IFT74: variants seen among roughly 807,000 people sequenced by gnomAD.
IFT74 encodes intraflagellar transport 74.
Under a neutral mutation model 96.7 loss-of-function variants are expected in IFT74, and 92 were observed. That is an observed-to-expected ratio of 0.95 (90% CI 0.80 to 1.13). The LOEUF is 1.13. Among genes scored for constraint, IFT74 ranks in the 50% most tolerant of loss-of-function variants. The pLI is 0.00. For synonymous variants in IFT74, 223 were observed against 213.2 expected (o/e 1.05, Z -0.40); for missense variants, 811 against 698.2 (o/e 1.16, Z -1.82).
chr9:27,014,449 A>G (rs1224925558), intron 10 of IFT74, among the ~76,000 whole-genome samples: 1 of 152,172 alleles, frequency 6.6e-6, no homozygotes, highest in Non-Finnish European at 1.5e-5. Flanking sequence ...GAAAAATCAT[A>G]AGCTATAACC....
chr9:27,048,765 T>A (rs569684532), intron 16 of IFT74, among the ~76,000 whole-genome samples: 9 of 152,206 alleles, frequency 5.9e-5, no homozygotes, highest in Non-Finnish European at 1.2e-4. Flanking sequence ...TCTATGTTTA[T>A]ACACAGACTA....
chr9:27,024,877 G>A (rs1310871763), intron 12 of IFT74, among the ~76,000 whole-genome samples: 1 of 151,250 alleles, frequency 6.6e-6, no homozygotes, highest in Non-Finnish European at 1.5e-5. Flanking sequence ...ACATTGGAAA[G>A]TTTCAACGAT....
chr9:26,996,932 CG>C (rs1828187643), intron 8 of IFT74, among the ~76,000 whole-genome samples: 1 of 152,068 alleles, frequency 6.6e-6, no homozygotes, highest in African/African-American at 2.4e-5. Flanking sequence ...CATTTCTGGC[CG>C]GGCGCAGAGG....
intron 18 of IFT74, among the ~76,000 whole-genome samples, 156 bp downstream of exon 18, chr9:27,056,615 G>A (rs1245169174): frequency 6.6e-6 from 1 of 151,954 alleles, no homozygotes; most frequent in Non-Finnish European, 1.5e-5. Context: ...AGAATGAATG[G>A]ACTCCTGCTT....
intron 12 of IFT74, among the ~76,000 whole-genome samples, chr9:27,023,565 T>C (rs751692768): frequency 5.9e-4 from 90 of 152,314 alleles, no homozygotes; most frequent in Middle Eastern, 3.4e-3. Flanking sequence ...GGCTAATTTT[T>C]TTTTGAGGAT....
At chr9:27,033,707 C>G (rs1830231484) in intron 13 of IFT74, among the ~76,000 whole-genome samples, 1 of 151,826 alleles carries the variant, frequency 6.6e-6, no homozygotes, top group Non-Finnish European at 1.5e-5. Context: ...TAATTTTTTA[C>G]TCCCAAGAAC....
At chr9:26,957,323 C>T (rs184329954) in intron 1 of IFT74, among the ~76,000 whole-genome samples, 3 of 152,242 alleles carry the variant, frequency 2.0e-5, no homozygotes, top group Admixed American at 1.3e-4. Flanking sequence ...TAGCAGGAAA[C>T]CTAGAGTAAT....
intron 1 of IFT74, among the ~76,000 whole-genome samples, chr9:26,960,098 CA>C (rs1826288926): frequency 1.3e-5 from 2 of 152,136 alleles, no homozygotes; most frequent in Admixed American, 1.3e-4. Context: ...ATGGGGACTC[CA>C]TTGGACATTT....
chr9:27,032,312 T>C (rs528131653), intron 13 of IFT74, among the ~76,000 whole-genome samples: 2 of 152,290 alleles, frequency 1.3e-5, no homozygotes, highest in South Asian at 4.1e-4. Flanking sequence ...TTAAAAATTC[T>C]TTTTGCTATA....
In IFT74 at chr9:27,060,667, C is replaced by T. The variant is rs183549754; in HGVS notation, c.1684+16C>T. On this transcript the variant is annotated intron_variant, in intron 19 of 19. Transcript: ENST00000380062. ...ATGAAAGAATGTATCCTTTAAAAAG[C>T]TGAAAATGGGGCCGGGTGCGGTGGC... is the stretch of plus-strand genomic sequence containing the variant. 2.1e-5 allele frequency: 33 copies of T among 1,583,906 alleles called. No individual in the cohort carries two copies. The African/African-American group carries it at 3.0e-4, about 14-fold the overall frequency.
At chr9:26,998,384 G>C (rs1828287809) in intron 8 of IFT74, 1 of 489,940 alleles carries the variant, frequency 2.0e-6, no homozygotes, top group African/African-American at 2.0e-5. Flanking sequence ...TGTTACAGTA[G>C]AGCAAATCTT....
chr9:27,033,603 G>C (rs1197499964), intron 13 of IFT74, among the ~76,000 whole-genome samples: 1 of 149,992 alleles, frequency 6.7e-6, no homozygotes, highest in African/African-American at 2.5e-5. Context: ...AATGGTGCCT[G>C]GTGCACATTA....
intron 8 of IFT74, among the ~76,000 whole-genome samples, chr9:27,008,345 A>T (rs1464042017): frequency 1.3e-5 from 2 of 151,888 alleles, no homozygotes; most frequent in Non-Finnish European, 2.9e-5. Flanking sequence ...TAAAACCACA[A>T]TTCTAAAACT....
chr9:27,035,433 C>T (rs374838391), intron 13 of IFT74, among the ~76,000 whole-genome samples: 1 of 152,118 alleles, frequency 6.6e-6, no homozygotes, highest in South Asian at 2.1e-4. Flanking sequence ...TTGAATCTTT[C>T]ATTAAAATGG....
At chr9:27,047,439 C>A in intron 15 of IFT74, 68 bp downstream of exon 15, 2 of 883,822 alleles carry the variant, frequency 2.3e-6, no homozygotes, top group Admixed American at 2.5e-5. Context: ...AAATACAACT[C>A]AAAAAATAGA....
intron 16 of IFT74, among the ~76,000 whole-genome samples, chr9:27,052,204 T>C (rs1819951967): frequency 6.6e-6 from 1 of 152,166 alleles, no homozygotes; most frequent in Non-Finnish European, 1.5e-5. Flanking sequence ...TGTTTATAAT[T>C]CCTTTTAACA....
chr9:26,976,836 G>A (rs866878761), intron 2 of IFT74: 109 of 452,996 alleles, frequency 2.4e-4, no homozygotes, highest in Admixed American at 2.9e-4. Flanking sequence ...TCCTGAGGTC[G>A]TATAGTGTTA....
Position 27,065,903 on chromosome 9 carries a change from T to C in IFT74, c.*3167T>C, listed in dbSNP as rs1182588567. Among the ~76,000 whole-genome samples the C allele has an allele frequency of 6.6e-6, 1 of 152,238 alleles. No homozygotes were observed. The highest frequency in any genetic ancestry group is 6.5e-5 in the Admixed American group (1 of 15,284). The stretch of plus-strand genomic sequence containing the variant: ...ACTTTTGAAATAAAAGTAGATTATG[T>C]CTTAAAATTGTAAGTTTACAGTTTG... On this transcript the variant is annotated 3_prime_UTR_variant, in exon 20 of 20. Coordinates refer to ENST00000380062, the MANE Select transcript of IFT74 (RefSeq NM_025103.4).
chr9:26,967,988 T>C (rs1415279404), intron 2 of IFT74, among the ~76,000 whole-genome samples: 2 of 152,070 alleles, frequency 1.3e-5, no homozygotes. Flanking sequence ...AGTTTGCTGG[T>C]ACTTTGTTGA....
Sources: gnomAD v4.1 joint callset for allele counts (sites outside exome capture counted in the v4.1 genomes callset) on GRCh38, gnomAD v4.1.1 for gene constraint, MANE v1.5 for transcripts, NCBI Gene and HGNC (gene_info 2026-07-23, HGNC 2026-07-21) for gene names.